Variants in GOLM1 observed in about 807,000 individuals in gnomAD.
GOLM1 encodes the protein epididymis luminal protein 46.
In GOLM1, 31 loss-of-function variants were observed where a neutral mutation model predicts 50.5. The ratio of observed to expected loss-of-function variants is 0.61; its 90% CI spans 0.46 to 0.83. The LOEUF (loss-of-function observed/expected upper bound fraction) is 0.83, where lower values mean the gene tolerates loss of function less well. Among genes scored for constraint, GOLM1 ranks in the 40% least tolerant of loss-of-function variants. The pLI is 0.00. For synonymous variants in GOLM1, 178 were observed against 192.8 expected, an observed-to-expected ratio of 0.92 and a Z score of 0.64; for missense variants, 491 against 501.3, an observed-to-expected ratio of 0.98 and a Z score of 0.20.
intron 3 of GOLM1, 67 bp from the exon 4 acceptor site, chr9:86,052,658 A>C: frequency 2.9e-6 from 4 of 1,367,182 alleles, no homozygotes; most frequent in Non-Finnish European, 4.2e-6. Flanking sequence ...CAGATGTGAT[A>C]CAAACCAATG....
At chr9:86,085,453 G>GTTTTTTTTTTT (rs11397922) in intron 1 of GOLM1, among the ~76,000 whole-genome samples, 1 of 93,182 alleles carries the variant, frequency 1.1e-5, no homozygotes, top group Non-Finnish European at 2.0e-5. Flanking sequence ...CAAAGTTTTT[G>GTTTTTTTTTTT]TTTTTTTTTT....
At chr9:86,053,549 CA>C (rs534344427) in intron 3 of GOLM1, among the ~76,000 whole-genome samples, 25 of 512 alleles carry the variant, frequency 0.049, 3 homozygotes, top group Middle Eastern at 0.5. Flanking sequence ...CCACACCAAA[CA>C]CACACTACAC....
At chr9:86,090,434 C>T (rs1261625700) in intron 1 of GOLM1, among the ~76,000 whole-genome samples, 1 of 152,110 alleles carries the variant, frequency 6.6e-6, no homozygotes, top group African/African-American at 2.4e-5. Flanking sequence ...CAGAGATGCC[C>T]TGCTCAGAGA....
intron 8 of GOLM1, 152 bp downstream of exon 8, chr9:86,035,216 A>G: frequency 1.3e-6 from 2 of 1,513,298 alleles, no homozygotes; most frequent in East Asian, 2.3e-5. Flanking sequence ...TTGATAACGA[A>G]TAAGAAACCT....
intron 1 of GOLM1, among the ~76,000 whole-genome samples, chr9:86,093,258 TC>T (rs1342596817): frequency 1.3e-5 from 2 of 151,738 alleles, no homozygotes; most frequent in Non-Finnish European, 2.9e-5. Context: ...GTGCCTGTAA[TC>T]CCAGCTACTT....
At position 86,036,395 on chromosome 9, in the gene GOLM1, G is replaced by T. The variant is rs1447010400; in HGVS notation, c.710C>A (p.Ala237Asp). 6.2e-7 allele frequency: 1 copy of T among 1,614,050 alleles called. No homozygotes were observed. Among genetic ancestry groups the T allele is most frequent in the African/African-American group, 1.3e-5 (1 of 74,908 alleles). The stretch of plus-strand genomic sequence containing the variant: ...ATCCAAAACCACTTCGGAACTGGGG[G>T]CTGGTGTCTGGGACTTGCTGTTACC... ...VLGNSKSQTP[A>D]PSSEVVLDSK... The change falls in exon 7 of 10, where the codon GCC becomes GAC. Residue 237 changes from alanine to aspartate, a missense_variant. By Grantham distance (126) the Ala-to-Asp change is moderately radical. Coordinates refer to ENST00000388712, the MANE Select transcript of GOLM1 (RefSeq NM_016548.4).
chr9:86,030,676 T>C (rs1007651971), intron 9 of GOLM1, among the ~76,000 whole-genome samples: 2 of 152,120 alleles, frequency 1.3e-5, no homozygotes, highest in Non-Finnish European at 2.9e-5. Flanking sequence ...AAGACATGAA[T>C]TGGACACTCA....
At chr9:86,057,514 G>A (rs1354736379) in intron 3 of GOLM1, among the ~76,000 whole-genome samples, 3 of 152,106 alleles carry the variant, frequency 2.0e-5, no homozygotes, top group East Asian at 1.9e-4. Flanking sequence ...CACCCGAGCC[G>A]GGGTGCAGCT....
At position 86,069,086 on chromosome 9, in the gene GOLM1, TTATAAG is replaced by T. The variant is rs573964507; in HGVS notation, c.309+8320_309+8325del. On this transcript the variant is annotated intron_variant, in intron 3 of 9. Coordinates refer to ENST00000388712, the MANE Select transcript of GOLM1 (RefSeq NM_016548.4). ...ATGGCATACCTACATTTATAAAGTA[TTATAAG>T]TATATTATTAAGTAGTAACTAATAA... is the stretch of plus-strand genomic sequence containing the variant. Among the ~76,000 whole-genome samples, 201 of 152,238 alleles carry T rather than the reference TTATAAG, an allele frequency of 1.3e-3. 4 individuals are homozygous for T. The Middle Eastern group carries it at 0.024, about 18-fold the overall frequency.
intron 2 of GOLM1, among the ~76,000 whole-genome samples, chr9:86,078,495 G>A (rs1290508947): frequency 3.3e-5 from 5 of 152,132 alleles, no homozygotes; most frequent in Non-Finnish European, 7.4e-5. Flanking sequence ...AGACAGCAAG[G>A]GTAGGGATGA....
rs766872827 is a variant in GOLM1, at chr9:86,026,318, C to CTAAG, written c.*1495_*1498dup. The CTAAG allele has an allele frequency of 1.8e-4, 178 of 984,616 alleles. No individual in the cohort carries two copies. Among genetic ancestry groups the CTAAG allele is most frequent in the Non-Finnish European group, 2.0e-4 (167 of 829,468 alleles). 61.0% of individuals were successfully genotyped at this position (984,616 alleles called of 1,614,324 possible). ...GTATGAAAGTACTCTAAGATTTTAT[C>CTAAG]TAAGTTGCCTTTTCTGGGTGGGAAA... On this transcript the variant is annotated 3_prime_UTR_variant, in exon 10 of 10. Transcript: ENST00000388712.
chr9:86,040,697 G>T (rs1833314313), intron 6 of GOLM1, 42 bp downstream of exon 6: 2 of 1,586,770 alleles, frequency 1.3e-6, no homozygotes, highest in Non-Finnish European at 1.7e-6. Context: ...CCTGAAGATA[G>T]GGGTACCTTC....
At chr9:86,053,333 T>TTC (rs1833838374) in intron 3 of GOLM1, among the ~76,000 whole-genome samples, 1 of 62,428 alleles carries the variant, frequency 1.6e-5, no homozygotes, top group Non-Finnish European at 3.1e-5. Context: ...CACACCACAC[T>TTC]ACACCACGCC....
At position 86,054,893 on chromosome 9, in the gene GOLM1, T is replaced by G. The variant is rs377484245; in HGVS notation, c.310-2302A>C. Among the ~76,000 whole-genome samples, 83 of 152,344 alleles carry G rather than the reference T, an allele frequency of 5.4e-4. 1 individual carries two copies. The South Asian group carries it at 0.016, about 29-fold the overall frequency. On this transcript the variant is annotated intron_variant, in intron 3 of 9. Transcript: ENST00000388712. The stretch of plus-strand genomic sequence containing the variant: ...GCCACAATGCAAACATTTCTTACTG[T>G]GTCATCATCCACAAAGTTTGCAAAT...
At chr9:86,091,045 C>T (rs866642437) in intron 1 of GOLM1, among the ~76,000 whole-genome samples, 4 of 152,122 alleles carry the variant, frequency 2.6e-5, no homozygotes, top group Admixed American at 6.6e-5. Flanking sequence ...CTAGATGAGG[C>T]GATGCCCCAC....
rs550167860 is a variant in GOLM1 at position 86,092,753 on chromosome 9, C to A, written c.-22+6658G>T. ...CCTTGCTGCTGAAGGATAAGGGACA[C>A]ACACTGGCGAGAAATGATCAAGACT... is the stretch of plus-strand genomic sequence containing the variant. On this transcript the variant is annotated intron_variant, in intron 1 of 9. Coordinates refer to ENST00000388712, the MANE Select transcript of GOLM1 (RefSeq NM_016548.4). 5.3e-5 allele frequency among the ~76,000 whole-genome samples: 8 copies of A among 152,322 alleles called. No individual in the cohort carries two copies. In the South Asian group the frequency reaches 1.7e-3, roughly 32 times the overall value.
chr9:86,060,072 A>G (rs1309998133), intron 3 of GOLM1, among the ~76,000 whole-genome samples: 1 of 152,192 alleles, frequency 6.6e-6, no homozygotes, highest in East Asian at 1.9e-4. Flanking sequence ...GGTGAAATTA[A>G]TATTTTATTT....
At chr9:86,092,500 C>T (rs1049423275) in intron 1 of GOLM1, among the ~76,000 whole-genome samples, 5 of 152,222 alleles carry the variant, frequency 3.3e-5, no homozygotes, top group African/African-American at 1.2e-4. Context: ...GGAAGCCAAG[C>T]CTCAAACAGT....
chr9:86,055,176 A>G (rs1370633149), intron 3 of GOLM1, among the ~76,000 whole-genome samples: 1 of 152,186 alleles, frequency 6.6e-6, no homozygotes, highest in Admixed American at 6.5e-5. Context: ...AGCTCTGAGG[A>G]TATGGAACAT....
Sources: allele counts gnomAD v4.1 joint callset (sites outside exome capture counted in the v4.1 genomes callset), GRCh38; gene constraint gnomAD v4.1.1; transcripts MANE v1.5; gene names NCBI Gene and HGNC (gene_info 2026-07-23, HGNC 2026-07-21).